Variants in CSMD1 observed in about 807,000 individuals in gnomAD.
The protein encoded by CSMD1 is CUB and Sushi multiple domains 1, also known as CUB and sushi domain-containing protein 1.
In CSMD1, 213 loss-of-function variants were observed where a neutral mutation model predicts 417.5. The observed-to-expected ratio is 0.51, with a 90% CI of 0.46 to 0.57. The LOEUF (loss-of-function observed/expected upper bound fraction) is 0.57. Ranked by LOEUF, CSMD1 falls within the 20% of genes least tolerant of loss-of-function variation. The pLI is 0.00. For missense variants in CSMD1, 6,923 were observed against 4,529.7 expected (o/e 1.53, Z -15.17); for synonymous variants, 2,862 against 1,736.8 (o/e 1.65, Z -16.11).
chr8:3,439,550 G>A (rs927923262), intron 12 of CSMD1, among the ~76,000 whole-genome samples: 1 of 150,394 alleles, frequency 6.6e-6, no homozygotes, highest in East Asian at 2.0e-4. Flanking sequence ...AGTTCTTTAT[G>A]AGTTCTTATC....
chr8:4,212,411 T>G (rs1218929588), intron 3 of CSMD1, among the ~76,000 whole-genome samples: 1 of 152,158 alleles, frequency 6.6e-6, no homozygotes, highest in Non-Finnish European at 1.5e-5. Flanking sequence ...TTTTCATGTT[T>G]TGACATTAAC....
intron 7 of CSMD1, among the ~76,000 whole-genome samples, chr8:3,690,991 G>A (rs976755539): frequency 2.6e-4 from 39 of 152,232 alleles, no homozygotes; most frequent in African/African-American, 8.4e-4. Context: ...GTGAGGGTGG[G>A]GAGTGCTGAC....
intron 1 of CSMD1, among the ~76,000 whole-genome samples, chr8:4,968,712 A>G (rs1054668541): frequency 6.6e-6 from 1 of 152,186 alleles, no homozygotes. Flanking sequence ...TACCAGTGGC[A>G]GCAGATAAAC....
At chr8:4,179,411 C>T (rs1014598871) in intron 3 of CSMD1, among the ~76,000 whole-genome samples, 114 of 152,090 alleles carry the variant, frequency 7.5e-4, no homozygotes, top group African/African-American at 2.5e-3. Context: ...TCCTTACACC[C>T]TATACAAAAA....
chr8:3,712,641 A>T (rs1369344800), intron 6 of CSMD1, among the ~76,000 whole-genome samples: 2 of 152,218 alleles, frequency 1.3e-5, no homozygotes, highest in African/African-American at 2.4e-5. Context: ...CTGCTAAGTC[A>T]CAATCTTCGG....
intron 1 of CSMD1, among the ~76,000 whole-genome samples, chr8:4,725,871 T>A (rs185088917): frequency 3.2e-4 from 48 of 152,246 alleles, no homozygotes; most frequent in African/African-American, 1.0e-3. Flanking sequence ...CTCCGACATC[T>A]TGTAGACCCT....
chr8:3,229,061 G>C (rs1450209470), intron 27 of CSMD1, among the ~76,000 whole-genome samples: 1 of 152,124 alleles, frequency 6.6e-6, no homozygotes, highest in African/African-American at 2.4e-5. Context: ...ACTGGGATAA[G>C]TGGTTTGTCA....
At chr8:4,790,749 A>G (rs760937046) in intron 1 of CSMD1, among the ~76,000 whole-genome samples, 10 of 152,238 alleles carry the variant, frequency 6.6e-5, no homozygotes, top group Non-Finnish European at 1.5e-4. Flanking sequence ...CCCCTATTCA[A>G]TAAATGGTGC....
At chr8:3,952,442 A>C (rs1585023421) in intron 5 of CSMD1, among the ~76,000 whole-genome samples, 1 of 152,354 alleles carries the variant, frequency 6.6e-6, no homozygotes, top group East Asian at 1.9e-4. Flanking sequence ...TTATTTTCAT[A>C]AATTAATTGA....
At chr8:4,735,380 T>G (rs1178251303) in intron 1 of CSMD1, among the ~76,000 whole-genome samples, 2 of 152,164 alleles carry the variant, frequency 1.3e-5, no homozygotes, top group African/African-American at 4.8e-5. Context: ...TGTCTTTCTC[T>G]CATCAATTTA....
intron 3 of CSMD1, among the ~76,000 whole-genome samples, chr8:4,102,273 T>G (rs568391853): frequency 1.3e-5 from 2 of 152,188 alleles, no homozygotes; most frequent in Non-Finnish European, 1.5e-5. Context: ...ACTTTACACA[T>G]TATAAGGAAG....
intron 4 of CSMD1, among the ~76,000 whole-genome samples, chr8:4,019,118 C>T (rs1262383769): frequency 6.6e-6 from 1 of 152,130 alleles, no homozygotes; most frequent in African/African-American, 2.4e-5. Context: ...TATTTTTGTA[C>T]TAGGCCATGG....
rs1426595494 is a variant in CSMD1, at chr8:3,281,277, G to C, written c.4153+2867C>G. 3.3e-5 allele frequency among the ~76,000 whole-genome samples: 5 copies of C among 151,986 alleles called. No individual in the cohort carries two copies. In the East Asian group the frequency reaches 7.7e-4, roughly 24 times the overall value. ...GGACAGGATAATGAAACCCTGTCTA[G>C]GCTAAAAATACAAAAAAATAGCCAG... On this transcript the variant is annotated intron_variant, in intron 26 of 69. Transcript: ENST00000635120.
chr8:4,476,084 A>G (rs556935307), intron 2 of CSMD1, among the ~76,000 whole-genome samples: 9 of 152,040 alleles, frequency 5.9e-5, no homozygotes, highest in African/African-American at 1.9e-4. Context: ...ATTTAATTAT[A>G]TATATTTAAT....
chr8:4,242,619 T>G (rs1181881883), intron 3 of CSMD1, among the ~76,000 whole-genome samples: 1 of 152,170 alleles, frequency 6.6e-6, no homozygotes, highest in Admixed American at 6.5e-5. Flanking sequence ...CTACTGCTAG[T>G]TCATGAGGCA....
intron 23 of CSMD1, among the ~76,000 whole-genome samples, chr8:3,310,592 A>C (rs1362746865): frequency 6.6e-6 from 1 of 152,226 alleles, no homozygotes; most frequent in East Asian, 1.9e-4. Context: ...GGAAATAACC[A>C]TTAGGCACAC....
At chr8:3,231,578 G>A (rs1052553698) in intron 26 of CSMD1, among the ~76,000 whole-genome samples, 2 of 152,096 alleles carry the variant, frequency 1.3e-5, no homozygotes, top group Non-Finnish European at 2.9e-5. Context: ...AAAGTTAGAA[G>A]ATATATAAAA....
intron 2 of CSMD1, among the ~76,000 whole-genome samples, chr8:4,466,514 G>A (rs578060868): frequency 4.6e-5 from 7 of 152,140 alleles, no homozygotes; most frequent in African/African-American, 1.4e-4. Flanking sequence ...TTATTGTTTA[G>A]AAGGCAATGG....
At chr8:4,690,034 G>C (rs577495315) in intron 1 of CSMD1, among the ~76,000 whole-genome samples, 2 of 152,310 alleles carry the variant, frequency 1.3e-5, no homozygotes, top group East Asian at 3.9e-4. Context: ...GTTTAGAGAA[G>C]AGAATGGGTT....
Sources: gnomAD v4.1 joint callset for allele counts (sites outside exome capture counted in the v4.1 genomes callset) on GRCh38, gnomAD v4.1.1 for gene constraint, MANE v1.5 for transcripts, NCBI Gene and HGNC (gene_info 2026-07-23, HGNC 2026-07-21) for gene names.